The following CBL variants were observed in gnomAD, a reference collection of about 807,000 sequenced individuals.
The protein encoded by CBL is E3 ubiquitin-protein ligase CBL.
Under a neutral mutation model 96.9 loss-of-function variants are expected in CBL, and 45 were observed. That is an observed-to-expected ratio of 0.46 (90% CI 0.37 to 0.60). The LOEUF is 0.60. CBL is among the 20% of genes least tolerant of loss of function. The pLI, the probability that CBL is intolerant of heterozygous loss-of-function variation, is 0.00. For missense variants in CBL, 1,024 were observed against 1,143.5 expected, an observed-to-expected ratio of 0.90 and a Z score of 1.51; for synonymous variants, 420 against 426.8, an observed-to-expected ratio of 0.98 and a Z score of 0.20.
At position 119,230,042 on chromosome 11, in the gene CBL, TG is replaced by T. The variant is rs562741479; in HGVS notation, c.196-2400del. 1.7e-3 allele frequency among the ~76,000 whole-genome samples: 264 copies of T among 152,264 alleles called. 1 individual carries two copies. Among genetic ancestry groups the T allele is most frequent in the African/African-American group, 6.0e-3 (251 of 41,554 alleles). On this transcript the variant is annotated intron_variant, in intron 1 of 15. Coordinates refer to ENST00000264033, the MANE Select transcript of CBL (RefSeq NM_005188.4). ...TTGAAAACAAAAGAAATGTTAAAGT[TG>T]GGGGGAGATGGTTAAGATATGTTAT...
intron 1 of CBL, among the ~76,000 whole-genome samples, chr11:119,217,422 G>GT (rs1949371309): frequency 6.6e-6 from 1 of 152,118 alleles, no homozygotes; most frequent in African/African-American, 2.4e-5. Flanking sequence ...CCATATTTTT[G>GT]TTTTTTATGT....
intron 12 of CBL, among the ~76,000 whole-genome samples, chr11:119,288,594 G>C (rs1349374983): frequency 6.6e-6 from 1 of 151,962 alleles, no homozygotes; most frequent in East Asian, 1.9e-4. Context: ...ATCCTTAGAG[G>C]CCCCATCTCC....
chr11:119,238,893 G>A (rs1250364307), intron 2 of CBL, among the ~76,000 whole-genome samples: 2 of 152,140 alleles, frequency 1.3e-5, no homozygotes, highest in Admixed American at 1.3e-4. Context: ...TCATTTTGGG[G>A]ATTACTGCCA....
intron 2 of CBL, among the ~76,000 whole-genome samples, chr11:119,251,947 T>C (rs978273364): frequency 1.3e-5 from 2 of 152,236 alleles, no homozygotes; most frequent in African/African-American, 2.4e-5. Flanking sequence ...ACGTCTTTCC[T>C]GCCAGGCTTT....
chr11:119,242,470 G>A (rs1235884666), intron 2 of CBL, among the ~76,000 whole-genome samples: 3 of 148,270 alleles, frequency 2.0e-5, no homozygotes, highest in Non-Finnish European at 3.0e-5. Context: ...CCCAGGAGGC[G>A]GAGGTTGCAG....
Position 119,285,202 on chromosome 11 carries a change from C to A in CBL, c.1577C>A (p.Ser526Tyr). ...CTGCTTCCACAGGCTGCTTCTGGCT[C>A]CCTTCATAAAGACAAACCATTGCCA... ...LGTASKAASG[S>Y]LHKDKPLPVP... The change falls in exon 11 of 16, where the codon TCC becomes TAC. Residue 526 changes from serine to tyrosine, a missense_variant. Physicochemically the swap from Ser to Tyr is moderately radical, Grantham distance 144. This residue lies in a region of CBL where 695 missense variants were observed against 661.6 expected (regional missense o/e 1.05). Transcript: ENST00000264033. 1 of 1,614,180 alleles carries A rather than the reference C, an allele frequency of 6.2e-7. No individual in the cohort carries two copies. Among genetic ancestry groups the A allele is most frequent in the South Asian group, 1.1e-5 (1 of 91,086 alleles).
intron 2 of CBL, among the ~76,000 whole-genome samples, chr11:119,245,280 A>C (rs1949618090): frequency 6.6e-6 from 1 of 151,600 alleles, no homozygotes; most frequent in South Asian, 2.1e-4. Flanking sequence ...TTTACATTCT[A>C]AAAATTTTTT....
intron 12 of CBL, among the ~76,000 whole-genome samples, chr11:119,295,230 T>C (rs1950055723): frequency 6.6e-6 from 1 of 152,188 alleles, no homozygotes; most frequent in Admixed American, 6.5e-5. Flanking sequence ...AATGCTGCAG[T>C]GAATGTTCTT....
chr11:119,260,763 G>A (rs2135287308), intron 2 of CBL, among the ~76,000 whole-genome samples: 1 of 151,804 alleles, frequency 6.6e-6, no homozygotes, highest in African/African-American at 2.4e-5. Context: ...CTTTTCTACT[G>A]CACTACTATG....
Position 119,232,550 on chromosome 11 carries a change from T to C in CBL, c.298T>C (p.Ser100Pro), listed in dbSNP as rs1326179423. Reference protein sequence around the residue: ...DTYQHLRTILSRYEGKMETLG... With the variant: ...DTYQHLRTILPRYEGKMETLG... ...CTACCAGCATCTCCGTACTATCTTG[T>C]CAAGATATGAGGGGAAGATGGAGAC... is the stretch of plus-strand genomic sequence containing the variant. Residue 100 changes from serine to proline, a missense_variant, in exon 2 of 16, where the codon TCA becomes CCA. By Grantham distance (74) the Ser-to-Pro change is moderately conservative (BLOSUM62 -1). Transcript: ENST00000264033. 6.2e-7 allele frequency: 1 copy of C among 1,614,040 alleles called. No individual in the cohort carries two copies. Among genetic ancestry groups the C allele is most frequent in the Admixed American group, 1.7e-5 (1 of 60,010 alleles).
rs767166850 is a variant in CBL, at chr11:119,298,471, ACT to A, written c.2371_2372del (p.Ser791ArgfsTer4). Reference protein sequence around the residue: ...PPVPAVLARRTLSDISNASSS... With the variant: ...PPVPAVLARRXLSDISNASSS... ...TGTGCCGGCCGTGCTGGCCCGCCGA[ACT>A]CTCTCAGATATCTCTAATGCCAGCT... On this transcript the variant is annotated frameshift_variant, in exon 15 of 16. Transcript: ENST00000264033. LOFTEE classifies it high-confidence loss of function. The A allele has an allele frequency of 6.2e-7, 1 of 1,614,120 alleles. No homozygotes were observed. The highest frequency in any genetic ancestry group is 8.5e-7 in the Non-Finnish European group (1 of 1,180,014).
chr11:119,208,162 C>T (rs896221432), intron 1 of CBL, among the ~76,000 whole-genome samples: 17 of 151,972 alleles, frequency 1.1e-4, no homozygotes, highest in African/African-American at 3.9e-4. Flanking sequence ...TTAAATGTGT[C>T]GACTCCTTTA....
intron 3 of CBL, among the ~76,000 whole-genome samples, chr11:119,272,252 G>C (rs144467593): frequency 6.6e-6 from 1 of 152,092 alleles, no homozygotes; most frequent in Non-Finnish European, 1.5e-5. Flanking sequence ...CTCCTGAGTC[G>C]CTGGGACTAT....
intron 4 of CBL, among the ~76,000 whole-genome samples, 169 bp from the exon 5 acceptor site, chr11:119,274,663 T>C (rs1174412384): frequency 6.6e-6 from 1 of 152,230 alleles, no homozygotes; most frequent in Non-Finnish European, 1.5e-5. Flanking sequence ...TCGTAGCTTT[T>C]CAGAGTTTTT....
intron 2 of CBL, among the ~76,000 whole-genome samples, chr11:119,233,225 G>A (rs1949517798): frequency 6.6e-6 from 1 of 152,046 alleles, no homozygotes; most frequent in African/African-American, 2.4e-5. Flanking sequence ...ATATTTGAAG[G>A]ATCACTATGT....
chr11:119,283,538 G>A (rs1949954076), intron 9 of CBL, among the ~76,000 whole-genome samples: 1 of 150,166 alleles, frequency 6.7e-6, no homozygotes, highest in Non-Finnish European at 1.5e-5. Flanking sequence ...AAATGGAAAA[G>A]GTTATATATG....
chr11:119,298,560 T>G lies in CBL; in HGVS notation c.2434+20T>G. 1 of 1,612,652 alleles carries G rather than the reference T, an allele frequency of 6.2e-7. No homozygotes were observed. The highest frequency in any genetic ancestry group is 8.5e-7 in the Non-Finnish European group (1 of 1,178,678). ...CAACAAGTGAGTCTCCAGACTACTT[T>G]GGGTTTGTCCTGAATGGCAGTGTGG... On this transcript the variant is annotated intron_variant, in intron 15 of 15. Transcript: ENST00000264033.
chr11:119,291,671 G>A (rs1401906738), intron 12 of CBL, among the ~76,000 whole-genome samples: 1 of 152,188 alleles, frequency 6.6e-6, no homozygotes, highest in Non-Finnish European at 1.5e-5. Context: ...TTGTGCCACT[G>A]CACTCCAGCG....
At chr11:119,245,871 A>G (rs1474221791) in intron 2 of CBL, among the ~76,000 whole-genome samples, 3 of 148,140 alleles carry the variant, frequency 2.0e-5, no homozygotes, top group Non-Finnish European at 3.0e-5. Context: ...CCGGGCTGGA[A>G]TTTCTGTTGT....
Sources: gnomAD v4.1 joint callset for allele counts (sites outside exome capture counted in the v4.1 genomes callset) on GRCh38, gnomAD v4.1.1 for gene constraint, gnomAD v4.1.1 regional missense constraint, MANE v1.5 for transcripts, NCBI Gene and HGNC (gene_info 2026-07-23, HGNC 2026-07-21) for gene names.